The following PPP3CA variants were observed in gnomAD, a reference collection of about 807,000 sequenced individuals.
PPP3CA encodes CAM-PRP catalytic subunit.
In PPP3CA, 14 loss-of-function variants were observed where a neutral mutation model predicts 66.5. The ratio of observed to expected loss-of-function variants is 0.21; its 90% CI spans 0.14 to 0.33. The LOEUF is 0.33. PPP3CA is among the 10% of genes least tolerant of loss of function. PPP3CA has a pLI of 1.00. For missense variants in PPP3CA, 317 were observed against 639.5 expected (o/e 0.50, Z 5.44); for synonymous variants, 232 against 226.2 (o/e 1.03, Z -0.23).
In PPP3CA at chr4:101,196,096, G is replaced by A. The variant is rs1435984083; in HGVS notation, c.79C>T (p.His27Tyr). The A allele has an allele frequency of 6.2e-7, 1 of 1,613,760 alleles. No homozygotes were observed. The highest frequency in any genetic ancestry group is 8.5e-7 in the Non-Finnish European group (1 of 1,179,938). The change falls in exon 2 of 14, where the codon CAC becomes TAC. Residue 27 changes from histidine (H) to tyrosine (Y), a missense_variant. His to Tyr is a moderately conservative substitution (Grantham distance 83, BLOSUM62 2). Coordinates refer to ENST00000394854, the MANE Select transcript of PPP3CA (RefSeq NM_000944.5). ...VVKAVPFPPS[H>Y]RLTAKEVFDN... The stretch of plus-strand genomic sequence containing the variant: ...AACACTTCTTTTGCTGTAAGCCGGT[G>A]ACTTGGAGGAAATGGAACAGCTGAA...
chr4:101,260,642 G>T (rs1282668808), intron 1 of PPP3CA, among the ~76,000 whole-genome samples: 1 of 152,056 alleles, frequency 6.6e-6, no homozygotes, highest in Admixed American at 6.6e-5. Context: ...GCAGCATATT[G>T]TAACTTTCCC....
chr4:101,275,859 T>TG (rs199774828), intron 1 of PPP3CA, among the ~76,000 whole-genome samples: 15 of 136,120 alleles, frequency 1.1e-4, no homozygotes, highest in African/African-American at 3.9e-4. Flanking sequence ...TGTGTATGTG[T>TG]GGTTTTTTTT....
Position 101,083,168 on chromosome 4 carries a change from A to G in PPP3CA, c.860+18T>C, listed in dbSNP as rs1729514315. 2 of 1,425,002 alleles carry G rather than the reference A, an allele frequency of 1.4e-6. No homozygotes were observed. The highest frequency in any genetic ancestry group is 2.6e-5 in the Admixed American group (1 of 39,152). 88.3% of individuals were successfully genotyped at this position (1,425,002 alleles called of 1,614,324 possible). A position where few individuals can be genotyped will look rare whatever the true frequency, so the allele number is the denominator to read the frequency against. On this transcript the variant is annotated intron_variant, in intron 7 of 13. Transcript: ENST00000394854. ...AATGGACAATGCATGGTTTTTATAA[A>G]TGCTCAAAACTGCTCACCCTGCATC...
intron 10 of PPP3CA, among the ~76,000 whole-genome samples, chr4:101,056,411 C>G (rs1428293152): frequency 6.6e-6 from 1 of 152,108 alleles, no homozygotes; most frequent in African/African-American, 2.4e-5. Context: ...CAGGAGTTGA[C>G]AGATTCTGAA....
At chr4:101,080,918 T>A (rs1729408582) in intron 7 of PPP3CA, among the ~76,000 whole-genome samples, 1 of 152,104 alleles carries the variant, frequency 6.6e-6, no homozygotes, top group Non-Finnish European at 1.5e-5. Flanking sequence ...ATAATTCATT[T>A]CCATGTGTTC....
intron 2 of PPP3CA, among the ~76,000 whole-genome samples, chr4:101,111,256 T>C (rs1721660558): frequency 6.6e-6 from 1 of 152,164 alleles, no homozygotes. Flanking sequence ...TCCATTAGGT[T>C]TGGAAGTTGA....
chr4:101,084,870 T>C (rs1308788358), intron 6 of PPP3CA, among the ~76,000 whole-genome samples: 1 of 152,108 alleles, frequency 6.6e-6, no homozygotes, highest in Non-Finnish European at 1.5e-5. Context: ...CTGATGAACA[T>C]GAGTGTATCT....
At chr4:101,149,728 T>C (rs571779815) in intron 2 of PPP3CA, among the ~76,000 whole-genome samples, 2 of 152,300 alleles carry the variant, frequency 1.3e-5, no homozygotes, top group South Asian at 4.1e-4. Flanking sequence ...GTTGTTAAAT[T>C]ATAATTTAGA....
intron 1 of PPP3CA, among the ~76,000 whole-genome samples, chr4:101,245,489 G>A (rs1726448312): frequency 1.3e-5 from 2 of 152,042 alleles, no homozygotes; most frequent in African/African-American, 4.8e-5. Context: ...TGTTTGAAAA[G>A]GGTCTTGAAT....
At chr4:101,204,746 A>G (rs1725079176) in intron 1 of PPP3CA, among the ~76,000 whole-genome samples, 1 of 151,888 alleles carries the variant, frequency 6.6e-6, no homozygotes. Context: ...GCAAAATTAT[A>G]TTTACTGATT....
In PPP3CA at chr4:101,123,159, T is replaced by C. The variant is rs965535316; in HGVS notation, c.260-14081A>G. On this transcript the variant is annotated intron_variant, in intron 2 of 13. Transcript: ENST00000394854. ...TGACACTGAATTAAATAATTAATAA[T>C]ACTAGGGTACAAGCTACAAAGGCAG... 3.3e-5 allele frequency among the ~76,000 whole-genome samples: 5 copies of C among 152,340 alleles called. No individual in the cohort carries two copies. In the South Asian group the frequency reaches 6.2e-4, roughly 19 times the overall value.
At chr4:101,254,088 T>C (rs183121045) in intron 1 of PPP3CA, among the ~76,000 whole-genome samples, 75 of 152,142 alleles carry the variant, frequency 4.9e-4, no homozygotes, top group African/African-American at 1.5e-3. Flanking sequence ...TCAAGACATA[T>C]ATCCAAAGAG....
chr4:101,267,254 A>G (rs1652131573), intron 1 of PPP3CA, among the ~76,000 whole-genome samples: 1 of 152,224 alleles, frequency 6.6e-6, no homozygotes, highest in South Asian at 2.1e-4. Context: ...GGCTCATCTA[A>G]AAGTTGAATA....
chr4:101,219,985 A>G (rs986385838), intron 1 of PPP3CA, among the ~76,000 whole-genome samples: 7 of 151,830 alleles, frequency 4.6e-5, no homozygotes, highest in African/African-American at 1.7e-4. Context: ...GTACTTAATC[A>G]TAAGGTTTGA....
At chr4:101,261,730 T>C (rs1186408166) in intron 1 of PPP3CA, among the ~76,000 whole-genome samples, 1 of 152,036 alleles carries the variant, frequency 6.6e-6, no homozygotes, top group Non-Finnish European at 1.5e-5. Context: ...AAATATCTAA[T>C]TAACTGTGAG....
intron 1 of PPP3CA, among the ~76,000 whole-genome samples, chr4:101,322,715 C>T (rs1317240015): frequency 1.3e-5 from 2 of 152,108 alleles, no homozygotes; most frequent in East Asian, 3.9e-4. Context: ...TTGGCCTCTA[C>T]TTACATCTTG....
At chr4:101,205,513 T>C (rs1459190859) in intron 1 of PPP3CA, among the ~76,000 whole-genome samples, 1 of 152,092 alleles carries the variant, frequency 6.6e-6, no homozygotes, top group Non-Finnish European at 1.5e-5. Context: ...TAATAAACCT[T>C]ACAAAACATA....
chr4:101,202,759 A>G (rs1357578484), intron 1 of PPP3CA, among the ~76,000 whole-genome samples: 1 of 152,220 alleles, frequency 6.6e-6, no homozygotes, highest in Admixed American at 6.5e-5. Flanking sequence ...GTTACAATTA[A>G]AATTTTTAAA....
intron 2 of PPP3CA, among the ~76,000 whole-genome samples, chr4:101,140,126 C>T (rs1046044599): frequency 6.6e-6 from 1 of 152,062 alleles, no homozygotes; most frequent in Admixed American, 6.5e-5. Context: ...GAATAATTTA[C>T]ATAGCAATTT....
Sources: gnomAD v4.1 joint callset for allele counts (sites outside exome capture counted in the v4.1 genomes callset) on GRCh38, gnomAD v4.1.1 for gene constraint, MANE v1.5 for transcripts, NCBI Gene and HGNC (gene_info 2026-07-23, HGNC 2026-07-21) for gene names.